TNRC6B: variants seen among roughly 807,000 people sequenced by gnomAD.
TNRC6B encodes the protein trinucleotide repeat-containing gene 6B protein.
In TNRC6B, 52 loss-of-function variants were observed where a neutral mutation model predicts 203.6. The ratio of observed to expected loss-of-function variants is 0.26; its 90% CI spans 0.20 to 0.32. The LOEUF is 0.32. TNRC6B is among the 10% of genes least tolerant of loss of function. The pLI is 1.00. For missense variants in TNRC6B, 1,923 were observed against 2,286.2 expected (o/e 0.84, Z 3.24); for synonymous variants, 838 against 845.7 (o/e 0.99, Z 0.16).
At chr22:40,220,051 A>G (rs1468136740) in intron 1 of TNRC6B, among the ~76,000 whole-genome samples, 2 of 152,192 alleles carry the variant, frequency 1.3e-5, no homozygotes, top group African/African-American at 4.8e-5. Flanking sequence ...TAGATATTTT[A>G]TTAGCAACAA....
intron 3 of TNRC6B, among the ~76,000 whole-genome samples, chr22:40,256,009 C>G (rs970068512): frequency 1.3e-4 from 20 of 152,096 alleles, no homozygotes; most frequent in African/African-American, 4.6e-4. Flanking sequence ...CATGCCACCA[C>G]GCCTGGCTAA....
intron 1 of TNRC6B, among the ~76,000 whole-genome samples, chr22:40,059,979 T>A (rs1246000546): frequency 6.6e-6 from 1 of 151,562 alleles, no homozygotes; most frequent in Non-Finnish European, 1.5e-5. Flanking sequence ...CACACCACCA[T>A]TGCCTAGCTA....
intron 2 of TNRC6B, among the ~76,000 whole-genome samples, chr22:40,125,277 T>C (rs1209398941): frequency 6.6e-6 from 1 of 152,198 alleles, no homozygotes; most frequent in Non-Finnish European, 1.5e-5. Flanking sequence ...GCCATTATAG[T>C]GTACTTTAAT....
chr22:40,071,946 C>T (rs1341343981), intron 1 of TNRC6B, among the ~76,000 whole-genome samples: 6 of 152,174 alleles, frequency 3.9e-5, no homozygotes, highest in African/African-American at 1.4e-4. Context: ...TAACCTCAAA[C>T]ACCTAGGCTC....
chr22:40,053,139 G>A (rs2067764571), intron 1 of TNRC6B, among the ~76,000 whole-genome samples: 1 of 147,994 alleles, frequency 6.8e-6, no homozygotes, highest in African/African-American at 2.5e-5. Flanking sequence ...TATACCACTC[G>A]ATGTGTTTGG....
chr22:40,316,868 G>A (rs9611307), intron 21 of TNRC6B, among the ~76,000 whole-genome samples: 2 of 152,126 alleles, frequency 1.3e-5, no homozygotes, highest in African/African-American at 2.4e-5. Flanking sequence ...CATAAAACTA[G>A]GTAAAACCCA....
intron 1 of TNRC6B, among the ~76,000 whole-genome samples, chr22:40,094,489 A>T (rs1053033592): frequency 6.6e-6 from 1 of 152,238 alleles, no homozygotes; most frequent in Non-Finnish European, 1.5e-5. Flanking sequence ...AAACAAAAAC[A>T]GTTTGAAGAA....
intron 1 of TNRC6B, among the ~76,000 whole-genome samples, chr22:40,183,072 G>GA (rs2069155890): frequency 5.2e-5 from 1 of 19,284 alleles, no homozygotes; most frequent in African/African-American, 2.2e-3. Context: ...CATCTAGAAC[G>GA]GCTTGGCAGG....
At chr22:40,144,040 T>C (rs1478161714) in intron 3 of TNRC6B, among the ~76,000 whole-genome samples, 2 of 152,172 alleles carry the variant, frequency 1.3e-5, no homozygotes, top group Non-Finnish European at 2.9e-5. Context: ...CTCACCAAAA[T>C]GACTACAGTT....
intron 4 of TNRC6B, among the ~76,000 whole-genome samples, chr22:40,171,188 G>A (rs1264692116): frequency 1.2e-4 from 15 of 128,350 alleles, no homozygotes; most frequent in Non-Finnish European, 1.6e-5. Flanking sequence ...TTGAGACAGA[G>A]TCTCGCTCTG....
chr22:40,309,465 A>G (rs894008253), intron 16 of TNRC6B, among the ~76,000 whole-genome samples: 2 of 152,236 alleles, frequency 1.3e-5, no homozygotes, highest in African/African-American at 4.8e-5. Flanking sequence ...GGCTGGTGAA[A>G]TGCCCACGTG....
intron 1 of TNRC6B, among the ~76,000 whole-genome samples, chr22:40,239,584 G>A (rs1046183801): frequency 3.3e-5 from 5 of 152,160 alleles, no homozygotes; most frequent in Non-Finnish European, 7.3e-5. Context: ...TTTTTGTCAG[G>A]CGTGCAGAAT....
At chr22:40,125,646 CAA>C in intron 2 of TNRC6B, 1 of 601,470 alleles carries the variant, frequency 1.7e-6, no homozygotes, top group Non-Finnish European at 2.9e-6. Flanking sequence ...CACACACACA[CAA>C]AGTTACTCAA....
intron 1 of TNRC6B, among the ~76,000 whole-genome samples, chr22:40,054,206 A>T (rs1224716600): frequency 6.6e-6 from 1 of 152,170 alleles, no homozygotes; most frequent in Non-Finnish European, 1.5e-5. Flanking sequence ...ACAGAGTGAG[A>T]CCCTGTCTCA....
chr22:40,157,751 A>G (rs570262648), intron 4 of TNRC6B, among the ~76,000 whole-genome samples: 26 of 152,258 alleles, frequency 1.7e-4, no homozygotes, highest in African/African-American at 5.3e-4. Flanking sequence ...CACTCTGGTC[A>G]AAGGTCTGTC....
chr22:40,153,690 G>C (rs936334553), intron 3 of TNRC6B, among the ~76,000 whole-genome samples: 2 of 151,764 alleles, frequency 1.3e-5, no homozygotes, highest in Non-Finnish European at 2.9e-5. Flanking sequence ...AGCACTGTTA[G>C]CACTGAATAT....
chr22:40,133,278 T>G (rs921110610), intron 3 of TNRC6B, among the ~76,000 whole-genome samples: 4 of 152,102 alleles, frequency 2.6e-5, no homozygotes, highest in Admixed American at 2.6e-4. Context: ...GCTGTTTATT[T>G]GTATCATCTC....
chr22:40,114,427 T>C (rs2068369152), intron 1 of TNRC6B, among the ~76,000 whole-genome samples: 2 of 152,110 alleles, frequency 1.3e-5, no homozygotes, highest in South Asian at 4.1e-4. Flanking sequence ...CTCAAGCAAT[T>C]CTCCTGCCTT....
intron 1 of TNRC6B, among the ~76,000 whole-genome samples, chr22:40,093,531 AAGCAGACTGCAGACTGAT>A (rs1270419436): frequency 1.3e-5 from 2 of 152,232 alleles, no homozygotes; most frequent in Non-Finnish European, 2.9e-5. Flanking sequence ...CTGAGAGAAA[AAGCAGACTGCAGACTGAT>A]AGCTGACTTT....
Sources: gnomAD v4.1 joint callset for allele counts (sites outside exome capture counted in the v4.1 genomes callset) on GRCh38, gnomAD v4.1.1 for gene constraint, MANE v1.5 for transcripts, NCBI Gene and HGNC (gene_info 2026-07-23, HGNC 2026-07-21) for gene names.